The following PCSK5 variants were observed in gnomAD, a reference collection of about 807,000 sequenced individuals.
PCSK5 encodes proprotein convertase subtilisin/kexin type 5, also known as prohormone convertase 5.
In PCSK5, 129 loss-of-function variants were observed where a neutral mutation model predicts 233.2. The observed-to-expected ratio is 0.55, with a 90% CI of 0.48 to 0.64. The LOEUF (loss-of-function observed/expected upper bound fraction) is 0.64. Among genes scored for constraint, PCSK5 ranks in the 30% least tolerant of loss-of-function variants. PCSK5 has a pLI of 0.00. For missense variants in PCSK5, 2,076 were observed against 2,430.1 expected, an observed-to-expected ratio of 0.85 and a Z score of 3.06; for synonymous variants, 825 against 879.2, an observed-to-expected ratio of 0.94 and a Z score of 1.09.
At position 76,188,608 on chromosome 9, in the gene PCSK5, T is replaced by C; in HGVS notation, c.2313T>C (p.Cys771=). Residue 771 remains cysteine, a synonymous_variant, in exon 18 of 38, where the codon TGT becomes TGC. Coordinates refer to ENST00000674117, the MANE Select transcript of PCSK5 (RefSeq NM_001372043.1). ...SLQGSRCSVS[C]EDGRYFNGQD... is the part of the protein sequence containing the mutation. ...AGGGATCCCGGTGCTCTGTCTCCTGTGAAGATGGACGGTATTTCAACGGCC... is the reference window on the plus strand; with the variant it reads ...AGGGATCCCGGTGCTCTGTCTCCTGCGAAGATGGACGGTATTTCAACGGCC... 2 of 1,613,794 alleles carry C rather than the reference T, an allele frequency of 1.2e-6. No homozygotes were observed. The highest frequency in any genetic ancestry group is 8.5e-7 in the Non-Finnish European group (1 of 1,179,748).
At chr9:75,950,756 C>T (rs769391063) in intron 2 of PCSK5, among the ~76,000 whole-genome samples, 7 of 152,182 alleles carry the variant, frequency 4.6e-5, no homozygotes, top group Non-Finnish European at 1.0e-4. Flanking sequence ...TAAAGACCAT[C>T]AAGGCTAGGA....
chr9:76,324,775 T>TG (rs1230781979), intron 32 of PCSK5, among the ~76,000 whole-genome samples: 2 of 152,190 alleles, frequency 1.3e-5, no homozygotes, highest in African/African-American at 2.4e-5. Flanking sequence ...AGAAATGTTG[T>TG]GGGGCGGGGG....
chr9:75,898,351 C>G (rs746731801), intron 1 of PCSK5, among the ~76,000 whole-genome samples: 2 of 152,216 alleles, frequency 1.3e-5, no homozygotes, highest in Non-Finnish European at 2.9e-5. Context: ...TCAGCTGTTT[C>G]TCCTTTTCCC....
chr9:76,157,390 G>A (rs956333306), intron 11 of PCSK5, among the ~76,000 whole-genome samples: 8 of 152,120 alleles, frequency 5.3e-5, no homozygotes, highest in Non-Finnish European at 1.2e-4. Flanking sequence ...AGGGATTGGG[G>A]GATATGCTTA....
intron 32 of PCSK5, among the ~76,000 whole-genome samples, chr9:76,325,810 T>C (rs1829343978): frequency 6.6e-6 from 1 of 152,118 alleles, no homozygotes; most frequent in Non-Finnish European, 1.5e-5. Context: ...GCTAATTTTG[T>C]ATTTTTAGTA....
At chr9:76,160,781 TC>T (rs1378135240) in intron 12 of PCSK5, among the ~76,000 whole-genome samples, 2 of 151,922 alleles carry the variant, frequency 1.3e-5, no homozygotes, top group Non-Finnish European at 2.9e-5. Context: ...TTTTTTTTTT[TC>T]TTTTTTGAGA....
intron 32 of PCSK5, 71 bp downstream of exon 32, chr9:76,323,359 C>G (rs1430710906): frequency 7.0e-6 from 6 of 851,470 alleles, no homozygotes; most frequent in Non-Finnish European, 1.1e-5. Flanking sequence ...AGCGCCAGAG[C>G]TGTCATCTCA....
chr9:76,141,254 T>TAC lies in PCSK5; in HGVS notation c.1312+7056_1312+7057dup, dbSNP rs893907824. 1.9e-4 allele frequency among the ~76,000 whole-genome samples: 28 copies of TAC among 151,320 alleles called. No homozygotes were observed. The South Asian group carries it at 4.0e-3, about 21-fold the overall frequency. ...TTAAGTCAAGAGAGTCTTAGCAAAG[T>TAC]ACACACACACACACAACCCTCTACA... On this transcript the variant is annotated intron_variant, in intron 10 of 37. Transcript: ENST00000674117.
In PCSK5 at chr9:76,359,953, T is replaced by C. The variant is rs1348718177; in HGVS notation, c.*1031T>C. 6.6e-6 allele frequency: 1 copy of C among 152,212 alleles called. No individual in the cohort carries two copies. The highest frequency in any genetic ancestry group is 1.5e-5 in the Non-Finnish European group (1 of 68,028). 9.4% of individuals were successfully genotyped at this position (152,212 alleles called of 1,614,324 possible). Reference sequence around the variant, plus strand: ...TAGCTGCTGACCAGCCTTCCAGCACTGCTCATCACTATGATTTTTGTTTCT... The same window carrying C: ...TAGCTGCTGACCAGCCTTCCAGCACCGCTCATCACTATGATTTTTGTTTCT... On this transcript the variant is annotated 3_prime_UTR_variant, in exon 38 of 38. Coordinates refer to ENST00000674117, the MANE Select transcript of PCSK5 (RefSeq NM_001372043.1).
chr9:76,218,826 A>G (rs576529054), intron 20 of PCSK5, among the ~76,000 whole-genome samples: 42 of 151,484 alleles, frequency 2.8e-4, no homozygotes, highest in African/African-American at 9.6e-4. Flanking sequence ...GCTTCTTACG[A>G]TGCTGACCCG....
At chr9:76,202,605 T>A (rs1048419314) in intron 20 of PCSK5, among the ~76,000 whole-genome samples, 1 of 152,132 alleles carries the variant, frequency 6.6e-6, no homozygotes, top group African/African-American at 2.4e-5. Flanking sequence ...GATTCTTCCA[T>A]TCTGCCCTGC....
At chr9:76,155,063 A>C (rs1823830660) in intron 10 of PCSK5, among the ~76,000 whole-genome samples, 1 of 152,158 alleles carries the variant, frequency 6.6e-6, no homozygotes, top group Admixed American at 6.5e-5. Context: ...TTTTAATTTA[A>C]AAAAATAATA....
Position 76,008,777 on chromosome 9 carries a change from TC to T in PCSK5, c.412-14959del, listed in dbSNP as rs1449695315. Among the ~76,000 whole-genome samples the T allele has an allele frequency of 3.3e-5, 5 of 152,186 alleles. No individual in the cohort carries two copies. In the East Asian group the frequency reaches 9.6e-4, roughly 29 times the overall value. On this transcript the variant is annotated intron_variant, in intron 3 of 37. Transcript: ENST00000674117. ...TTCTTACCATAGGCATCTTAATTCTTCCTTAAGAAAGAAAGATGCAGTTAAT... is the reference window on the plus strand; with the variant it reads ...TTCTTACCATAGGCATCTTAATTCTTCTTAAGAAAGAAAGATGCAGTTAAT...
At position 76,245,338 on chromosome 9, in the gene PCSK5, G is replaced by A. The variant is rs1244665660; in HGVS notation, c.3142+4654G>A. ...TAAAACATATCCAAATTTAAAAATTGTAAGGAATTGCAAAAAAAAGAGAAA... is the reference window on the plus strand; with the variant it reads ...TAAAACATATCCAAATTTAAAAATTATAAGGAATTGCAAAAAAAAGAGAAA... On this transcript the variant is annotated intron_variant, in intron 24 of 37. Transcript: ENST00000674117. Among the ~76,000 whole-genome samples, 3 of 152,068 alleles carry A rather than the reference G, an allele frequency of 2.0e-5. No individual in the cohort carries two copies. In the East Asian group the frequency reaches 5.8e-4, roughly 29 times the overall value.
Position 76,361,804 on chromosome 9 carries a change from C to T in PCSK5, c.*2882C>T, listed in dbSNP as rs137878432. ...ATAAAAATATATGCATGATAGCCATCATATCAATGGAAGACTTTCTCACCT... is the reference window on the plus strand; with the variant it reads ...ATAAAAATATATGCATGATAGCCATTATATCAATGGAAGACTTTCTCACCT... On this transcript the variant is annotated 3_prime_UTR_variant, in exon 38 of 38. Transcript: ENST00000674117. 6.6e-6 allele frequency: 1 copy of T among 152,204 alleles called. No homozygotes were observed. Among genetic ancestry groups the T allele is most frequent in the Non-Finnish European group, 1.5e-5 (1 of 68,036 alleles). The allele number at this position is 152,204 out of a possible 1,614,324, so 9.4% of individuals were successfully genotyped here. A position where few individuals can be genotyped will look rare whatever the true frequency, so the allele number is the denominator to read the frequency against.
At chr9:76,112,833 G>A (rs73650439) in intron 9 of PCSK5, among the ~76,000 whole-genome samples, 1,659 of 152,024 alleles carry the variant, frequency 0.011, 35 homozygotes, top group African/African-American at 0.035. Flanking sequence ...TCTGGGGGAA[G>A]GGTTGTAGGG....
At chr9:76,327,972 C>G in intron 32 of PCSK5, 37 bp from the exon 33 acceptor site, 1 of 1,382,152 alleles carries the variant, frequency 7.2e-7, no homozygotes. Flanking sequence ...CACCCTGGCT[C>G]TCGCTCACTC....
chr9:76,265,980 CCA>C (rs1386843055), intron 24 of PCSK5, among the ~76,000 whole-genome samples: 1 of 152,166 alleles, frequency 6.6e-6, no homozygotes, highest in African/African-American at 2.4e-5. Flanking sequence ...CCCATTTAAA[CCA>C]CAGTTTTTCT....
At chr9:76,011,927 G>A (rs1390615526) in intron 3 of PCSK5, among the ~76,000 whole-genome samples, 1 of 152,106 alleles carries the variant, frequency 6.6e-6, no homozygotes, top group Non-Finnish European at 1.5e-5. Context: ...GTCATGCAAG[G>A]TCTTTTTTTT....
Sources: gnomAD v4.1 joint callset for allele counts (sites outside exome capture counted in the v4.1 genomes callset) on GRCh38, gnomAD v4.1.1 for gene constraint, MANE v1.5 for transcripts, NCBI Gene and HGNC (gene_info 2026-07-23, HGNC 2026-07-21) for gene names.